Variants in BPTF observed in about 807,000 individuals in gnomAD.
The protein encoded by BPTF is bromodomain PHD finger transcription factor, also known as nucleosome-remodeling factor subunit BPTF.
BPTF carries 18 observed loss-of-function variants against 292.5 expected under a neutral mutation model. That is an observed-to-expected ratio of 0.06 (90% CI 0.04 to 0.09). The LOEUF (loss-of-function observed/expected upper bound fraction) is 0.09. Ranked by LOEUF, BPTF falls within the 10% of genes least tolerant of loss-of-function variation. The probability of loss-of-function intolerance (pLI) is 1.00; values close to 1 mark genes in which losing one functional copy is unlikely to be tolerated. For synonymous variants in BPTF, 1,225 were observed against 1,251.9 expected, an observed-to-expected ratio of 0.98 and a Z score of 0.45; for missense variants, 2,726 against 3,498.7, an observed-to-expected ratio of 0.78 and a Z score of 5.57.
intron 1 of BPTF, among the ~76,000 whole-genome samples, chr17:67,829,824 A>G (rs191164972): frequency 2.9e-4 from 44 of 152,322 alleles, no homozygotes; most frequent in African/African-American, 1.1e-3. Context: ...GACATTCCTA[A>G]CATAAGAAAT....
chr17:67,898,768 C>G (rs1306033667), intron 7 of BPTF, among the ~76,000 whole-genome samples: 1 of 150,124 alleles, frequency 6.7e-6, no homozygotes, highest in East Asian at 2.0e-4. Flanking sequence ...AAGATACCCA[C>G]TATTGGCCAG....
In BPTF at chr17:67,946,138, A is replaced by G. The variant is rs1392861531; in HGVS notation, c.7430A>G (p.Gln2477Arg). Residue 2477 changes from glutamine (Q) to arginine (R), a missense_variant, in exon 21 of 28, where the codon CAA becomes CGA. By Grantham distance (43) the Gln-to-Arg change is conservative (BLOSUM62 1). This residue lies in a region of BPTF where 570 missense variants were observed against 633.5 expected (regional missense o/e 0.90). Coordinates refer to ENST00000306378, the MANE Select transcript of BPTF (RefSeq NM_182641.4). ...IKLQLPIQIQ[Q>R]SSAVQTHQIQ... is the part of the protein sequence containing the mutation. Reference sequence around the variant, plus strand: ...CTCCAGTTACCTATCCAAATTCAGCAAAGCAGTGCTGTGCAGACTCACCAG... The same window carrying G: ...CTCCAGTTACCTATCCAAATTCAGCGAAGCAGTGCTGTGCAGACTCACCAG... 1.9e-6 allele frequency: 3 copies of G among 1,614,192 alleles called. No homozygotes were observed.
intron 2 of BPTF, among the ~76,000 whole-genome samples, chr17:67,859,873 A>G (rs2058970129): frequency 6.6e-6 from 1 of 152,238 alleles, no homozygotes; most frequent in Admixed American, 6.5e-5. Context: ...CAAAATATAT[A>G]CTATTCGATA....
chr17:67,922,503 A>G (rs371924672), intron 13 of BPTF, among the ~76,000 whole-genome samples: 6 of 152,206 alleles, frequency 3.9e-5, no homozygotes, highest in African/African-American at 1.2e-4. Flanking sequence ...CATTAGTCAG[A>G]TGAGCGGTGG....
At chr17:67,938,316 A>G (rs927155495) in intron 18 of BPTF, among the ~76,000 whole-genome samples, 1 of 152,200 alleles carries the variant, frequency 6.6e-6, no homozygotes, top group East Asian at 1.9e-4. Flanking sequence ...TCAAACTGCA[A>G]TGCAAGGACA....
At chr17:67,927,283 C>A (rs1442554448) in intron 15 of BPTF, among the ~76,000 whole-genome samples, 1 of 152,172 alleles carries the variant, frequency 6.6e-6, no homozygotes, top group Non-Finnish European at 1.5e-5. Context: ...AAATAAATTT[C>A]ACCTGTTGTT....
In BPTF at chr17:67,946,278, G is replaced by C. The variant is rs782231062; in HGVS notation, c.7570G>C (p.Glu2524Gln). ...KKQQQIEIKREHTLQASNQSE... is the reference protein window; with the variant it reads ...KKQQQIEIKRQHTLQASNQSE... ...ACAGCAACAGATAGAAATTAAGCGT[G>C]AACACACCCTCCAAGCTTCTAATCA... Residue 2524 changes from glutamate to glutamine, a missense_variant, in exon 21 of 28, where the codon GAA (glutamate) becomes CAA (glutamine). Physicochemically the swap from Glu to Gln is conservative, Grantham distance 29. This residue lies in a region of BPTF where 570 missense variants were observed against 633.5 expected (regional missense o/e 0.90). Coordinates refer to ENST00000306378, the MANE Select transcript of BPTF (RefSeq NM_182641.4). 1 of 1,614,094 alleles carries C rather than the reference G, an allele frequency of 6.2e-7. No homozygotes were observed. The highest frequency in any genetic ancestry group is 1.7e-5 in the Admixed American group (1 of 60,030).
chr17:67,896,399 G>A (rs1295095947), intron 7 of BPTF, among the ~76,000 whole-genome samples: 2 of 152,098 alleles, frequency 1.3e-5, no homozygotes, highest in Non-Finnish European at 2.9e-5. Context: ...GGGTGGGAGG[G>A]GCACAAGGGT....
chr17:67,899,533 C>CTTT (rs573598642), intron 7 of BPTF, among the ~76,000 whole-genome samples: 2 of 135,084 alleles, frequency 1.5e-5, no homozygotes, highest in Non-Finnish European at 3.2e-5. Flanking sequence ...AGTTTTTTTT[C>CTTT]TTTTTTTTTT....
intron 2 of BPTF, among the ~76,000 whole-genome samples, chr17:67,855,099 G>A (rs1432776192): frequency 2.0e-5 from 3 of 152,114 alleles, no homozygotes; most frequent in African/African-American, 7.2e-5. Context: ...TTGAGAGTTC[G>A]AGACCAGCCT....
chr17:67,925,851 A>G (rs1218789901), intron 15 of BPTF, among the ~76,000 whole-genome samples: 4 of 152,072 alleles, frequency 2.6e-5, no homozygotes, highest in Non-Finnish European at 5.9e-5. Flanking sequence ...AGATGATAGC[A>G]CTTTTGGATT....
chr17:67,882,971 C>T (rs113461722), intron 4 of BPTF, among the ~76,000 whole-genome samples: 11 of 147,992 alleles, frequency 7.4e-5, no homozygotes, highest in African/African-American at 2.3e-4. Flanking sequence ...CCACTGCACT[C>T]CAGCCTGGGT....
intron 17 of BPTF, among the ~76,000 whole-genome samples, chr17:67,930,915 ACTGC>A (rs1022705898): frequency 1.1e-4 from 16 of 151,936 alleles, no homozygotes; most frequent in Non-Finnish European, 2.4e-4. Context: ...AGATGGTGCC[ACTGC>A]ACTGCAGTCT....
chr17:67,948,235 A>G lies in BPTF; in HGVS notation c.7855A>G (p.Lys2619Glu). ...GCTGTCAGCTCTGCTCTTCAAGCACAAAGAGCAGCTCAGAGCCGAGATCCT... is the reference window on the plus strand; with the variant it reads ...GCTGTCAGCTCTGCTCTTCAAGCACGAAGAGCAGCTCAGAGCCGAGATCCT... ...TKLSALLFKH[K>E]EQLRAEILKK... Residue 2619 changes from lysine to glutamate, a missense_variant, in exon 23 of 28, where the codon AAA becomes GAA. This residue lies in a region of BPTF where 148 missense variants were observed against 145.5 expected (regional missense o/e 1.02). Coordinates refer to ENST00000306378, the MANE Select transcript of BPTF (RefSeq NM_182641.4). 5 of 1,614,186 alleles carry G rather than the reference A, an allele frequency of 3.1e-6. No individual in the cohort carries two copies. Among genetic ancestry groups the G allele is most frequent in the Non-Finnish European group, 3.4e-6 (4 of 1,180,036 alleles).
At position 67,918,802 on chromosome 17, in the gene BPTF, G is replaced by C. The variant is rs1425998598; in HGVS notation, c.5392G>C (p.Ala1798Pro). 3.7e-6 allele frequency: 6 copies of C among 1,613,690 alleles called. No homozygotes were observed. Residue 1798 changes from alanine to proline, a missense_variant, in exon 12 of 28, where the codon GCC becomes CCC. Transcript: ENST00000306378. ...WASLRWDDMA[A>P]KAPPGGGTTR... is the part of the protein sequence containing the mutation. ...AAGTTTGAGATGGGATGATATGGCGGCCAAGGCTCCTCCAGGAGGAGGGAC... is the reference window on the plus strand; with the variant it reads ...AAGTTTGAGATGGGATGATATGGCGCCCAAGGCTCCTCCAGGAGGAGGGAC...
At chr17:67,922,299 T>A (rs2063506178) in intron 13 of BPTF, among the ~76,000 whole-genome samples, 1 of 152,228 alleles carries the variant, frequency 6.6e-6, no homozygotes, top group Admixed American at 6.5e-5. Flanking sequence ...CCCTGCTTTT[T>A]ATTTTTTAAA....
intron 18 of BPTF, among the ~76,000 whole-genome samples, chr17:67,934,870 C>CAAAAAAAGAAAAA (rs2064777184): frequency 1.1e-5 from 1 of 91,052 alleles, no homozygotes; most frequent in Non-Finnish European, 1.9e-5. Context: ...AACTCTGTCT[C>CAAAAAAAGAAAAA]AAAAAAAAAA....
At chr17:67,978,310 T>TA (rs1378322195) in intron 27 of BPTF, among the ~76,000 whole-genome samples, 4 of 149,200 alleles carry the variant, frequency 2.7e-5, no homozygotes, top group Non-Finnish European at 6.0e-5. Context: ...ATATATATAT[T>TA]TTTTTTGAGA....
At chr17:67,979,670 A>G (rs1407987321) in intron 27 of BPTF, among the ~76,000 whole-genome samples, 1 of 152,208 alleles carries the variant, frequency 6.6e-6, no homozygotes, top group Non-Finnish European at 1.5e-5. Flanking sequence ...GAGGTTGGGA[A>G]ATGGTTAAGT....
Sources: allele counts gnomAD v4.1 joint callset (sites outside exome capture counted in the v4.1 genomes callset), GRCh38; gene constraint gnomAD v4.1.1; regional missense constraint gnomAD v4.1.1; transcripts MANE v1.5; gene names NCBI Gene and HGNC (gene_info 2026-07-23, HGNC 2026-07-21).